The following MED13L variants were observed in gnomAD, a reference collection of about 807,000 sequenced individuals.
The protein encoded by MED13L is mediator complex subunit 13L.
In MED13L, 7 loss-of-function variants were observed where a neutral mutation model predicts 220.9. That is an observed-to-expected ratio of 0.03 (90% CI 0.02 to 0.06). The LOEUF (loss-of-function observed/expected upper bound fraction) is 0.06, where lower values mean the gene tolerates loss of function less well. MED13L is among the 10% of genes least tolerant of loss of function. MED13L has a pLI of 1.00. For missense variants in MED13L, 1,965 were observed against 2,760.5 expected, an observed-to-expected ratio of 0.71 and a Z score of 6.46; for synonymous variants, 1,011 against 1,015.2, an observed-to-expected ratio of 1.00 and a Z score of 0.08.
At chr12:116,156,275 A>G (rs1458792457) in intron 2 of MED13L, among the ~76,000 whole-genome samples, 2 of 152,018 alleles carry the variant, frequency 1.3e-5, no homozygotes, top group African/African-American at 4.8e-5. Flanking sequence ...ACAACTTTCC[A>G]CTGAAGCATA....
rs183650153 is a variant in MED13L, at chr12:116,177,138, C to T, written c.310+60330G>A. ...AGTGAACACACCTGTGTAATGAGTA[C>T]CCCCCTCCCCCACTCACCAACACCG... On this transcript the variant is annotated intron_variant, in intron 2 of 30. Coordinates refer to ENST00000281928, the MANE Select transcript of MED13L (RefSeq NM_015335.5). Among the ~76,000 whole-genome samples the T allele has an allele frequency of 6.2e-5, 9 of 145,662 alleles. No homozygotes were observed. The East Asian group carries it at 1.2e-3, about 20-fold the overall frequency.
At chr12:116,139,648 C>T (rs2138041520) in intron 2 of MED13L, among the ~76,000 whole-genome samples, 1 of 152,232 alleles carries the variant, frequency 6.6e-6, no homozygotes, top group East Asian at 1.9e-4. Context: ...TTTTGTCGCA[C>T]ATAGTACCTA....
chr12:115,990,701 TGTGCAAATTATCA>T (rs1877999912), intron 17 of MED13L, among the ~76,000 whole-genome samples: 2 of 151,890 alleles, frequency 1.3e-5, no homozygotes, highest in South Asian at 4.2e-4. Context: ...CATGCAAGAG[TGTGCAAATTATCA>T]GTCTGTAAGC....
intron 2 of MED13L, among the ~76,000 whole-genome samples, chr12:116,196,718 A>G (rs1229022471): frequency 1.3e-5 from 2 of 152,220 alleles, no homozygotes; most frequent in Non-Finnish European, 2.9e-5. Flanking sequence ...TTTAGGCTGC[A>G]TTTATATTAT....
At chr12:116,185,484 G>A (rs186264536) in intron 2 of MED13L, among the ~76,000 whole-genome samples, 1 of 151,878 alleles carries the variant, frequency 6.6e-6, no homozygotes, top group Admixed American at 6.6e-5. Context: ...AATACCTGAC[G>A]AAAATCAACA....
At chr12:115,981,021 G>C (rs1475668210) in intron 22 of MED13L, 83 bp from the exon 23 acceptor site, 1 of 1,212,580 alleles carries the variant, frequency 8.2e-7, no homozygotes, top group African/African-American at 1.5e-5. Context: ...AGCTGAAAAA[G>C]GAAACGGCAT....
chr12:116,253,272 C>CAA (rs60443236), intron 1 of MED13L, among the ~76,000 whole-genome samples: 12 of 79,728 alleles, frequency 1.5e-4, no homozygotes, highest in Non-Finnish European at 2.6e-4. Context: ...AACTCCATCT[C>CAA]AAAAAAAAAA....
At chr12:116,017,395 G>A (rs1462000402) in intron 7 of MED13L, among the ~76,000 whole-genome samples, 1 of 152,130 alleles carries the variant, frequency 6.6e-6, no homozygotes, top group East Asian at 1.9e-4. Context: ...ATAACAAGTG[G>A]ATAACTTAAT....
chr12:116,179,597 T>A (rs1408058728), intron 2 of MED13L, among the ~76,000 whole-genome samples: 1 of 151,794 alleles, frequency 6.6e-6, no homozygotes, highest in African/African-American at 2.4e-5. Flanking sequence ...CTGGGCGACA[T>A]TCAAGACTGT....
chr12:116,179,223 GT>G (rs1880312467), intron 2 of MED13L, among the ~76,000 whole-genome samples: 6 of 152,000 alleles, frequency 3.9e-5, no homozygotes, highest in Admixed American at 1.3e-4. Context: ...GTGTGTGTGT[GT>G]GTGTGTGTGT....
chr12:116,207,856 T>C (rs981710362), intron 2 of MED13L, among the ~76,000 whole-genome samples: 3 of 151,984 alleles, frequency 2.0e-5, no homozygotes, highest in Non-Finnish European at 4.4e-5. Flanking sequence ...TTAGTAGCAA[T>C]AGGAATCCTC....
chr12:115,981,648 A>G (rs1192557195), intron 22 of MED13L, among the ~76,000 whole-genome samples: 8 of 152,240 alleles, frequency 5.3e-5, no homozygotes, highest in Non-Finnish European at 8.8e-5. Flanking sequence ...GTGAAAAATA[A>G]GATTATACAT....
At chr12:116,120,475 T>TCTCACACACACA (rs1424331736) in intron 2 of MED13L, among the ~76,000 whole-genome samples, 10 of 91,748 alleles carry the variant, frequency 1.1e-4, no homozygotes, top group African/African-American at 3.9e-4. Context: ...TCTCTCTCTC[T>TCTCACACACACA]CTCACACACA....
At chr12:116,040,831 A>G (rs1346071302) in intron 4 of MED13L, among the ~76,000 whole-genome samples, 1 of 152,058 alleles carries the variant, frequency 6.6e-6, no homozygotes, top group African/African-American at 2.4e-5. Flanking sequence ...ATTTTAACTG[A>G]TAACAGGAGG....
At chr12:116,091,582 C>G (rs1208993869) in intron 4 of MED13L, among the ~76,000 whole-genome samples, 1 of 152,196 alleles carries the variant, frequency 6.6e-6, no homozygotes, top group Non-Finnish European at 1.5e-5. Context: ...TTTGTCTGCT[C>G]CCTTCCTGGA....
chr12:116,261,551 T>C (rs1872521847), intron 1 of MED13L, among the ~76,000 whole-genome samples: 1 of 152,082 alleles, frequency 6.6e-6, no homozygotes, highest in Non-Finnish European at 1.5e-5. Flanking sequence ...ACGTTTGTTT[T>C]CACTTTCTTT....
At chr12:116,231,024 G>T (rs1869509019) in intron 2 of MED13L, among the ~76,000 whole-genome samples, 1 of 152,110 alleles carries the variant, frequency 6.6e-6, no homozygotes, top group African/African-American at 2.4e-5. Flanking sequence ...GCCTTTGGTA[G>T]ATCTTCAATA....
At chr12:116,210,440 G>C (rs2138348410) in intron 2 of MED13L, among the ~76,000 whole-genome samples, 2 of 151,230 alleles carry the variant, frequency 1.3e-5, no homozygotes, top group Middle Eastern at 6.8e-3. Flanking sequence ...TTTGTTGAAT[G>C]AATCGCTTTA....
intron 4 of MED13L, among the ~76,000 whole-genome samples, chr12:116,025,319 A>G (rs1046286190): frequency 2.6e-5 from 4 of 152,224 alleles, no homozygotes; most frequent in Non-Finnish European, 5.9e-5. Context: ...AAAACAGTAT[A>G]AAGATTCCTC....
Sources: allele counts gnomAD v4.1 joint callset (sites outside exome capture counted in the v4.1 genomes callset), GRCh38; gene constraint gnomAD v4.1.1; transcripts MANE v1.5; gene names NCBI Gene and HGNC (gene_info 2026-07-23, HGNC 2026-07-21).